CACNA2D3: variants seen among roughly 807,000 people sequenced by gnomAD.
The protein encoded by CACNA2D3 is calcium voltage-gated channel auxiliary subunit alpha2delta 3, also known as voltage-dependent calcium channel subunit alpha-2/delta-3.
CACNA2D3 carries 60 observed loss-of-function variants against 160.6 expected under a neutral mutation model. That is an observed-to-expected ratio of 0.37 (90% confidence interval 0.30 to 0.46). The LOEUF is 0.46. Ranked by LOEUF, CACNA2D3 falls within the 20% of genes least tolerant of loss-of-function variation. The pLI is 1.00. For synonymous variants in CACNA2D3, 558 were observed against 492.9 expected (o/e 1.13, Z -1.75); for missense variants, 1,205 against 1,365.0 (o/e 0.88, Z 1.85).
At chr3:54,610,715 C>T (rs890870277) in intron 9 of CACNA2D3, among the ~76,000 whole-genome samples, 9 of 152,000 alleles carry the variant, frequency 5.9e-5, no homozygotes, top group Non-Finnish European at 1.0e-4. Flanking sequence ...CTGTAACCAC[C>T]GCCTCCCAGA....
At chr3:54,477,008 T>C (rs1320185342) in intron 4 of CACNA2D3, among the ~76,000 whole-genome samples, 1 of 151,964 alleles carries the variant, frequency 6.6e-6, no homozygotes. Context: ...CCCTCATCAG[T>C]GGGTGGAGAG....
intron 9 of CACNA2D3, among the ~76,000 whole-genome samples, chr3:54,613,730 G>A (rs751688064): frequency 7.9e-5 from 12 of 152,108 alleles, no homozygotes; most frequent in Admixed American, 2.0e-4. Context: ...CTCATGGTGC[G>A]CTGTGTTCCT....
chr3:54,750,775 CT>C (rs36019615), intron 11 of CACNA2D3, among the ~76,000 whole-genome samples: 210 of 144,134 alleles, frequency 1.5e-3, no homozygotes, highest in East Asian at 1.6e-3. Flanking sequence ...TGGATCTTTG[CT>C]TTTTTTTTTT....
At position 54,646,347 on chromosome 3, in the gene CACNA2D3, A is replaced by T. The variant is rs144593085; in HGVS notation, c.1167+4106A>T. Among the ~76,000 whole-genome samples, 744 of 151,712 alleles carry T rather than the reference A, an allele frequency of 4.9e-3. 5 individuals are homozygous for T. The highest frequency in any genetic ancestry group is 0.01 in the Middle Eastern group (3 of 294). ...GCCATGGTGGTTTACTGCACAGATC[A>T]TTCTGTTACCCAGGTATTAAGCCCA... On this transcript the variant is annotated intron_variant, in intron 11 of 37. Transcript: ENST00000474759.
chr3:54,829,167 A>T (rs149871437), intron 14 of CACNA2D3, among the ~76,000 whole-genome samples: 4 of 152,308 alleles, frequency 2.6e-5, no homozygotes, highest in Middle Eastern at 3.4e-3. Flanking sequence ...CTTTCCAGGC[A>T]TGAGATGCAA....
chr3:54,834,071 A>G (rs1703934087), intron 14 of CACNA2D3, among the ~76,000 whole-genome samples: 1 of 152,216 alleles, frequency 6.6e-6, no homozygotes, highest in African/African-American at 2.4e-5. Context: ...TGCAGTAATT[A>G]CATTTGGAAT....
intron 9 of CACNA2D3, among the ~76,000 whole-genome samples, 194 bp from the exon 10 acceptor site, chr3:54,627,593 C>T (rs900434792): frequency 3.3e-5 from 5 of 152,176 alleles, no homozygotes; most frequent in Non-Finnish European, 1.5e-5. Flanking sequence ...GTAACTGAAG[C>T]TAAACCATGA....
At chr3:54,255,527 T>C (rs1702275979) in intron 2 of CACNA2D3, among the ~76,000 whole-genome samples, 1 of 152,226 alleles carries the variant, frequency 6.6e-6, no homozygotes, top group Admixed American at 6.5e-5. Flanking sequence ...CTCTGAGTGA[T>C]TGCATTCACC....
chr3:54,145,465 T>C (rs1416016801), intron 2 of CACNA2D3, among the ~76,000 whole-genome samples: 1 of 152,222 alleles, frequency 6.6e-6, no homozygotes, highest in Non-Finnish European at 1.5e-5. Flanking sequence ...AGTTTTTTTC[T>C]TTTAGGGAAG....
At chr3:54,832,590 G>C (rs1303152082) in intron 14 of CACNA2D3, among the ~76,000 whole-genome samples, 1 of 152,182 alleles carries the variant, frequency 6.6e-6, no homozygotes, top group Non-Finnish European at 1.5e-5. Context: ...GAAGCATTCT[G>C]AATCTGTCAT....
At chr3:54,767,485 CTATGGGAT>C (rs1170163027) in intron 13 of CACNA2D3, among the ~76,000 whole-genome samples, 2 of 152,044 alleles carry the variant, frequency 1.3e-5, no homozygotes, top group Non-Finnish European at 2.9e-5. Context: ...GGGGATCTGC[CTATGGGAT>C]TAGACTTGAT....
At chr3:54,924,626 G>A in intron 27 of CACNA2D3, 1 of 1,613,160 alleles carries the variant, frequency 6.2e-7, no homozygotes, top group East Asian at 2.2e-5. Context: ...GACCTTTATA[G>A]ACAAATTTCT....
chr3:54,911,766 T>C (rs2106910345), intron 27 of CACNA2D3, among the ~76,000 whole-genome samples: 1 of 152,290 alleles, frequency 6.6e-6, no homozygotes, highest in East Asian at 1.9e-4. Context: ...TAAAGATAAG[T>C]AATATCATGT....
chr3:54,285,429 G>C (rs557772710), intron 2 of CACNA2D3, among the ~76,000 whole-genome samples: 11 of 152,160 alleles, frequency 7.2e-5, no homozygotes, highest in South Asian at 2.1e-4. Flanking sequence ...CAAAACAGCC[G>C]GGAAGCTCGA....
At chr3:54,310,992 A>C (rs1703727286) in intron 2 of CACNA2D3, among the ~76,000 whole-genome samples, 2 of 152,182 alleles carry the variant, frequency 1.3e-5, no homozygotes, top group Admixed American at 6.5e-5. Flanking sequence ...CACCATGACA[A>C]ACTTGAAGCT....
At chr3:54,729,040 T>C (rs1701332139) in intron 11 of CACNA2D3, among the ~76,000 whole-genome samples, 1 of 152,172 alleles carries the variant, frequency 6.6e-6, no homozygotes, top group African/African-American at 2.4e-5. Flanking sequence ...TTTTTTTCTG[T>C]AGCCTGAACC....
chr3:54,988,924 C>T (rs1702678729), intron 31 of CACNA2D3, among the ~76,000 whole-genome samples: 1 of 152,218 alleles, frequency 6.6e-6, no homozygotes, highest in Admixed American at 6.5e-5. Context: ...CTCCTGCTCC[C>T]TTCCCTTCTA....
At chr3:54,265,783 A>G (rs1179807550) in intron 2 of CACNA2D3, among the ~76,000 whole-genome samples, 2 of 147,034 alleles carry the variant, frequency 1.4e-5, no homozygotes, top group African/African-American at 4.9e-5. Flanking sequence ...TATGAAGGCA[A>G]AAAAAAAAAG....
At chr3:54,915,285 T>C (rs933092577) in intron 27 of CACNA2D3, among the ~76,000 whole-genome samples, 1 of 152,164 alleles carries the variant, frequency 6.6e-6, no homozygotes, top group Non-Finnish European at 1.5e-5. Context: ...TCATGCCCCC[T>C]TTTTTTATGC....
Sources: allele counts gnomAD v4.1 joint callset (sites outside exome capture counted in the v4.1 genomes callset), GRCh38; gene constraint gnomAD v4.1.1; transcripts MANE v1.5; gene names NCBI Gene and HGNC (gene_info 2026-07-23, HGNC 2026-07-21).